Variants in CHRNA9 observed in about 807,000 individuals in gnomAD.
CHRNA9 encodes the protein cholinergic receptor nicotinic alpha 9 subunit.
In CHRNA9, 24 loss-of-function variants were observed where a neutral mutation model predicts 36.8. That is an observed-to-expected ratio of 0.65 (90% confidence interval 0.47 to 0.92). The LOEUF is 0.92. Ranked by LOEUF, CHRNA9 falls within the 40% of genes least tolerant of loss-of-function variation. CHRNA9 has a pLI of 0.00. For synonymous variants in CHRNA9, 231 were observed against 231.8 expected (o/e 1.00, Z 0.03); for missense variants, 610 against 601.2 (o/e 1.01, Z -0.15).
chr4:40,340,869 T>C (rs181676815), intron 3 of CHRNA9, among the ~76,000 whole-genome samples: 203 of 150,054 alleles, frequency 1.4e-3, no homozygotes, highest in African/African-American at 4.7e-3. Context: ...GATGGTTACC[T>C]TAGGTAATCA....
chr4:40,348,224 C>T (rs541251196), intron 3 of CHRNA9: 1 of 152,526 alleles, frequency 6.6e-6, no homozygotes, highest in Admixed American at 6.5e-5. Flanking sequence ...AACACTTCCT[C>T]TGCCTTGCAA....
intron 3 of CHRNA9, among the ~76,000 whole-genome samples, chr4:40,339,745 C>T (rs1156932203): frequency 3.3e-5 from 5 of 152,000 alleles, no homozygotes; most frequent in African/African-American, 9.7e-5. Flanking sequence ...TCACTACAGC[C>T]TCAACTTCCC....
chr4:40,349,528 A>G, intron 4 of CHRNA9, 114 bp downstream of exon 4: 4 of 1,026,496 alleles, frequency 3.9e-6, no homozygotes, highest in Non-Finnish European at 5.7e-6. Context: ...TCGACTCAAT[A>G]CAGACTGTCT....
At chr4:40,353,909 T>C (rs1712871527) in intron 4 of CHRNA9, 70 bp from the exon 5 acceptor site, 13 of 1,341,134 alleles carry the variant, frequency 9.7e-6, no homozygotes, top group Non-Finnish European at 1.3e-5. Context: ...ATCCCTGTTG[T>C]TAAGTGACTC....
intron 4 of CHRNA9, among the ~76,000 whole-genome samples, chr4:40,352,779 T>C (rs1410173011): frequency 1.3e-5 from 2 of 152,224 alleles, no homozygotes; most frequent in Admixed American, 6.5e-5. Context: ...GTGCTTTATA[T>C]AATCACATTT....
intron 4 of CHRNA9, among the ~76,000 whole-genome samples, chr4:40,350,874 G>A (rs539464134): frequency 5.8e-4 from 88 of 152,124 alleles, no homozygotes; most frequent in African/African-American, 2.0e-3. Flanking sequence ...ATCATGGGGC[G>A]GTCCCACTCT....
intron 4 of CHRNA9, among the ~76,000 whole-genome samples, chr4:40,351,504 A>G (rs566658391): frequency 1.3e-5 from 2 of 152,190 alleles, no homozygotes; most frequent in East Asian, 3.9e-4. Context: ...AAAAGTGCCC[A>G]CAGATCTCTT....
Position 40,344,387 on chromosome 4 carries a change from A to T in CHRNA9, c.366-4495A>T, listed in dbSNP as rs570880252. ...TCTCTACTAAAAATACAAAAAAATT[A>T]GCCAGATATGGTGGTGGGAGCCTGT... On this transcript the variant is annotated intron_variant, in intron 3 of 4. Coordinates refer to ENST00000310169, the MANE Select transcript of CHRNA9 (RefSeq NM_017581.4). Among the ~76,000 whole-genome samples, 18 of 152,274 alleles carry T rather than the reference A, an allele frequency of 1.2e-4. No individual in the cohort carries two copies. The East Asian group carries it at 2.9e-3, about 25-fold the overall frequency.
At position 40,349,514 on chromosome 4, in the gene CHRNA9, A is replaced by G. The variant is rs1712736501; in HGVS notation, c.898+100A>G. ...CCTTTAAACTTGAAAAAATGGAGCC[A>G]ATTTCGACTCAATACAGACTGTCTC... On this transcript the variant is annotated intron_variant, in intron 4 of 4. Transcript: ENST00000310169. The G allele has an allele frequency of 4.2e-6, 5 of 1,179,428 alleles. No individual in the cohort carries two copies. In the South Asian group the frequency reaches 6.0e-5, roughly 14 times the overall value. The allele number at this position is 1,179,428 out of a possible 1,614,324, so 73.1% of individuals were successfully genotyped here.
intron 3 of CHRNA9, among the ~76,000 whole-genome samples, chr4:40,345,034 T>C (rs970482198): frequency 1.3e-5 from 2 of 152,158 alleles, no homozygotes; most frequent in Non-Finnish European, 2.9e-5. Flanking sequence ...ACAGGGTTTG[T>C]TGGGATTTCA....
In CHRNA9 at chr4:40,354,126, T is replaced by C. The variant is rs772183666; in HGVS notation, c.1046T>C (p.Leu349Ser). The change falls in exon 5 of 5, where the codon TTG becomes TCG. Residue 349 changes from leucine (L) to serine (S), a missense_variant. By Grantham distance (145) the Leu-to-Ser change is moderately radical (BLOSUM62 -2). Transcript: ENST00000310169. The stretch of plus-strand genomic sequence containing the variant: ...ATCCTGAAATACATGTCCAGGGTCT[T>C]GTTTGTCTATGATGTGGGTGAAAGC... Reference protein sequence around the residue: ...VVILKYMSRVLFVYDVGESCL... With the variant: ...VVILKYMSRVSFVYDVGESCL... 1 of 1,614,190 alleles carries C rather than the reference T, an allele frequency of 6.2e-7. No homozygotes were observed. Among genetic ancestry groups the C allele is most frequent in the Non-Finnish European group, 8.5e-7 (1 of 1,180,020 alleles).
chr4:40,337,095 T>C, intron 2 of CHRNA9, 115 bp from the exon 3 acceptor site: 1 of 877,234 alleles, frequency 1.1e-6, no homozygotes, highest in Non-Finnish European at 1.8e-6. Context: ...CTCACTTTAC[T>C]TATTGAAATT....
intron 3 of CHRNA9, chr4:40,347,950 T>C (rs1056896458): frequency 4.6e-5 from 7 of 152,190 alleles, no homozygotes; most frequent in African/African-American, 1.7e-4. Flanking sequence ...CCTTGTGAAA[T>C]AGGAATTTGT....
At chr4:40,351,980 T>C (rs1335990531) in intron 4 of CHRNA9, among the ~76,000 whole-genome samples, 1 of 152,216 alleles carries the variant, frequency 6.6e-6, no homozygotes, top group Non-Finnish European at 1.5e-5. Context: ...CTTCACAAAA[T>C]GAACTGGACA....
At chr4:40,351,049 A>T (rs1033616380) in intron 4 of CHRNA9, among the ~76,000 whole-genome samples, 1 of 151,734 alleles carries the variant, frequency 6.6e-6, no homozygotes, top group African/African-American at 2.4e-5. Context: ...TATTATTTAA[A>T]AATGAAGGCC....
At chr4:40,350,286 A>T (rs1577549588) in intron 4 of CHRNA9, among the ~76,000 whole-genome samples, 3 of 152,128 alleles carry the variant, frequency 2.0e-5, no homozygotes, top group Admixed American at 2.0e-4. Flanking sequence ...AGCAGACTAC[A>T]TTTTCAAAAA....
Position 40,354,676 on chromosome 4 carries a change from T to C in CHRNA9, c.*156T>C. The C allele has an allele frequency of 1.5e-6, 1 of 675,784 alleles. No homozygotes were observed. Among genetic ancestry groups the C allele is most frequent in the Admixed American group, 2.7e-5 (1 of 36,718 alleles). 41.9% of individuals were successfully genotyped at this position (675,784 alleles called of 1,614,324 possible). A position where few individuals can be genotyped will look rare whatever the true frequency, so the allele number is the denominator to read the frequency against. On this transcript the variant is annotated 3_prime_UTR_variant, in exon 5 of 5. Coordinates refer to ENST00000310169, the MANE Select transcript of CHRNA9 (RefSeq NM_017581.4). ...TCAAATGAATGTCGAAGCTATCTGC[T>C]CTGTTAAATTAAGCAGAAGAACCAA...
rs200869520 is a variant in CHRNA9, at chr4:40,354,142, G to A, written c.1062G>A (p.Val354=). The change falls in exon 5 of 5, where the codon GTG becomes GTA. Residue 354 remains valine (V), a synonymous_variant. Transcript: ENST00000310169. ...CCAGGGTCTTGTTTGTCTATGATGTGGGTGAAAGCTGCCTCAGCCCGCACC... is the reference window on the plus strand; with the variant it reads ...CCAGGGTCTTGTTTGTCTATGATGTAGGTGAAAGCTGCCTCAGCCCGCACC... ...YMSRVLFVYD[V]GESCLSPHHS... 256 of 1,614,170 alleles carry A rather than the reference G, an allele frequency of 1.6e-4. No homozygotes were observed. The highest frequency in any genetic ancestry group is 4.2e-4 in the Admixed American group (25 of 60,012).
Position 40,354,139 on chromosome 4 carries a change from T to C in CHRNA9, c.1059T>C (p.Asp353=), listed in dbSNP as rs752560300. 8 of 1,614,198 alleles carry C rather than the reference T, an allele frequency of 5.0e-6. No homozygotes were observed. Among genetic ancestry groups the C allele is most frequent in the Middle Eastern group, 1.6e-4 (1 of 6,062 alleles). ...TGTCCAGGGTCTTGTTTGTCTATGATGTGGGTGAAAGCTGCCTCAGCCCGC... is the reference window on the plus strand; with the variant it reads ...TGTCCAGGGTCTTGTTTGTCTATGACGTGGGTGAAAGCTGCCTCAGCCCGC... ...KYMSRVLFVY[D]VGESCLSPHH... Residue 353 remains aspartate (D), a synonymous_variant, in exon 5 of 5, where the codon GAT becomes GAC. Transcript: ENST00000310169.
Sources: allele counts gnomAD v4.1 joint callset (sites outside exome capture counted in the v4.1 genomes callset), GRCh38; gene constraint gnomAD v4.1.1; transcripts MANE v1.5; gene names NCBI Gene and HGNC (gene_info 2026-07-23, HGNC 2026-07-21).